Variants in PPP6R1 observed in about 807,000 individuals in gnomAD.
PPP6R1 encodes the protein protein phosphatase 6 regulatory subunit 1.
In PPP6R1, 39 loss-of-function variants were observed where a neutral mutation model predicts 104.6. The observed-to-expected ratio is 0.37, with a 90% CI of 0.29 to 0.49. The LOEUF (loss-of-function observed/expected upper bound fraction) is 0.49. PPP6R1 is among the 20% of genes least tolerant of loss of function. The probability of loss-of-function intolerance (pLI) is 0.98; values close to 1 mark genes in which losing one functional copy is unlikely to be tolerated. For synonymous variants in PPP6R1, 549 were observed against 479.0 expected, an observed-to-expected ratio of 1.15 and a Z score of -1.91; for missense variants, 1,181 against 1,155.8, an observed-to-expected ratio of 1.02 and a Z score of -0.32.
rs780395725 is a variant in PPP6R1 at position 55,241,371 on chromosome 19, T to C, written c.1029A>G (p.Thr343=). 15 of 1,610,714 alleles carry C rather than the reference T, an allele frequency of 9.3e-6. No homozygotes were observed. The Admixed American group carries it at 2.2e-4, about 23-fold the overall frequency. The stretch of plus-strand genomic sequence containing the variant: ...CCAGAGGCGGAGCCAGCATGCCCCA[T>C]GTCATCTGTAGCGGCTCCAGCTGCA... ...EPPKLEPLQM[T]WGMLAPPLGN... is the part of the protein sequence containing the mutation. The change falls in exon 9 of 24, where the codon ACA becomes ACG. Residue 343 remains threonine, a synonymous_variant. Coordinates refer to ENST00000412770, the MANE Select transcript of PPP6R1 (RefSeq NM_014931.4). This position sits in a 1 kb window ranked among gnomAD's most constrained non-coding sequence, Gnocchi z 5.4.
chr19:55,230,708 G>A, intron 22 of PPP6R1, 24 bp from the exon 23 acceptor site: 1 of 1,548,132 alleles, frequency 6.5e-7, no homozygotes, highest in South Asian at 1.2e-5. Context: ...GAGGGGATGT[G>A]CAGAGGTCAC....
chr19:55,231,495 T>C lies in PPP6R1; in HGVS notation c.2378-4A>G, dbSNP rs1215215467. 1 of 1,606,164 alleles carries C rather than the reference T, an allele frequency of 6.2e-7. No homozygotes were observed. The highest frequency in any genetic ancestry group is 1.7e-4 in the Middle Eastern group (1 of 5,982). ...CTAACCAAGGCCTGGCAAGGGGCTG[T>C]GGGGGATAAGAGATCTCAGCTGCAG... On this transcript the variant is annotated splice_polypyrimidine_tract_variant and splice_region_variant and intron_variant, in intron 20 of 23. Transcript: ENST00000412770.
At chr19:55,235,782 T>C (rs2122558323) in intron 17 of PPP6R1, among the ~76,000 whole-genome samples, 1 of 151,764 alleles carries the variant, frequency 6.6e-6, no homozygotes, top group South Asian at 2.1e-4. Flanking sequence ...CCTCCCAAAG[T>C]GCTGGGATTA....
chr19:55,239,309 A>G, intron 15 of PPP6R1, 96 bp downstream of exon 15: 2 of 1,249,494 alleles, frequency 1.6e-6, no homozygotes, highest in Middle Eastern at 1.9e-4. Flanking sequence ...CTGAGCCCAC[A>G]GGGCATGTAG....
Position 55,241,465 on chromosome 19 carries a change from C to T in PPP6R1, c.1008+12G>A. 6.2e-7 allele frequency: 1 copy of T among 1,602,556 alleles called. No individual in the cohort carries two copies. The highest frequency in any genetic ancestry group is 8.5e-7 in the Non-Finnish European group (1 of 1,174,032). Reference sequence around the variant, plus strand: ...CCCCGCCTCCCCGAGGACCAGAACCCACACCCCTGACCTTGGGAGGCTCCA... The same window carrying T: ...CCCCGCCTCCCCGAGGACCAGAACCTACACCCCTGACCTTGGGAGGCTCCA... On this transcript the variant is annotated intron_variant, in intron 8 of 23. Transcript: ENST00000412770. This position sits in a 1 kb window ranked among gnomAD's most constrained non-coding sequence, Gnocchi z 5.4.
chr19:55,248,311 G>A (rs79562666), intron 1 of PPP6R1, among the ~76,000 whole-genome samples: 4,795 of 152,158 alleles, frequency 0.032, 205 homozygotes, highest in African/African-American at 0.095. Context: ...ACCAAAGCCC[G>A]GTAAGTCAGG....
intron 1 of PPP6R1, 188 bp from the exon 2 acceptor site, chr19:55,247,297 G>A: frequency 1.6e-6 from 1 of 615,710 alleles, no homozygotes; most frequent in Non-Finnish European, 2.8e-6. Context: ...CATCACTCAG[G>A]CTTAAGGCTC....
At chr19:55,235,564 G>A (rs538135345) in intron 17 of PPP6R1, among the ~76,000 whole-genome samples, 2 of 151,334 alleles carry the variant, frequency 1.3e-5, no homozygotes, top group African/African-American at 4.9e-5. Context: ...TGTCGCCCAG[G>A]CTGGAGTACA....
At chr19:55,231,201 TG>T (rs1450642666) in intron 21 of PPP6R1, among the ~76,000 whole-genome samples, 1 of 152,014 alleles carries the variant, frequency 6.6e-6, no homozygotes, top group Non-Finnish European at 1.5e-5. Flanking sequence ...TTCCCAACCC[TG>T]GGGCTCAAGG....
At chr19:55,237,795 G>C (rs200596238) in intron 15 of PPP6R1, among the ~76,000 whole-genome samples, 1 of 152,210 alleles carries the variant, frequency 6.6e-6, no homozygotes, top group Non-Finnish European at 1.5e-5. Flanking sequence ...CCATGTCCCC[G>C]TGGCACTGGC....
In PPP6R1 at chr19:55,241,455, G is replaced by A. The variant is rs1446110579; in HGVS notation, c.1008+22C>T. 4 of 1,600,630 alleles carry A rather than the reference G, an allele frequency of 2.5e-6. No homozygotes were observed. The highest frequency in any genetic ancestry group is 1.3e-5 in the African/African-American group (1 of 74,728). On this transcript the variant is annotated intron_variant, in intron 8 of 23. Transcript: ENST00000412770. The surrounding 1 kb of genome is among the most constrained non-coding windows in gnomAD (Gnocchi z 5.4). Reference sequence around the variant, plus strand: ...TTCCTGCTTCCCCCGCCTCCCCGAGGACCAGAACCCACACCCCTGACCTTG... The same window carrying A: ...TTCCTGCTTCCCCCGCCTCCCCGAGAACCAGAACCCACACCCCTGACCTTG...
At position 55,257,942 on chromosome 19, in the gene PPP6R1, G is replaced by A. The variant is rs555693149; in HGVS notation, c.-7+493C>T. Among the ~76,000 whole-genome samples the A allele has an allele frequency of 4.6e-5, 7 of 152,366 alleles. No homozygotes were observed. The South Asian group carries it at 1.2e-3, about 27-fold the overall frequency. ...CGCACAAGAAGCCGGAGGCGGGAGA[G>A]GGTCGGTCAAGGTGAAAACAAGCCC... On this transcript the variant is annotated intron_variant, in intron 1 of 23. Transcript: ENST00000412770.
At chr19:55,252,086 G>A (rs2087557848) in intron 1 of PPP6R1, among the ~76,000 whole-genome samples, 1 of 152,182 alleles carries the variant, frequency 6.6e-6, no homozygotes, top group African/African-American at 2.4e-5. Context: ...AGACAGAAAA[G>A]AGCTTACAGG....
chr19:55,243,692 C>T lies in PPP6R1; in HGVS notation c.619-1204G>A, dbSNP rs1018513500. ...AAAAAAAGACACGGCCTCTACATCA[C>T]CCCAGGCTTGAGCGCAGTGGTGCCA... is the stretch of plus-strand genomic sequence containing the variant. On this transcript the variant is annotated intron_variant, in intron 5 of 23. Transcript: ENST00000412770. Among the ~76,000 whole-genome samples, 71 of 152,232 alleles carry T rather than the reference C, an allele frequency of 4.7e-4. 1 individual carries two copies. The highest frequency in any genetic ancestry group is 2.1e-4 in the South Asian group (1 of 4,828).
downstream of PPP6R1, chr19:55,228,520 C>G: frequency 6.4e-7 from 1 of 1,567,948 alleles, no homozygotes; most frequent in Non-Finnish European, 8.6e-7. Flanking sequence ...CCTGTCCCAC[C>G]CCCACCTGGG....
chr19:55,228,467 A>C (rs759363931), downstream of PPP6R1: 2 of 1,606,166 alleles, frequency 1.2e-6, no homozygotes, highest in South Asian at 2.2e-5. Flanking sequence ...ACTGAGCCGA[A>C]ACCCAGCCCA....
At chr19:55,228,559 A>C (rs1204268743), downstream of PPP6R1, 1 of 1,522,636 alleles carries the variant, frequency 6.6e-7, no homozygotes, top group Non-Finnish European at 8.8e-7. Flanking sequence ...GGACCCATTC[A>C]GGGACCAGGC....
chr19:55,244,403 G>A (rs937840275), intron 5 of PPP6R1, among the ~76,000 whole-genome samples: 2 of 152,246 alleles, frequency 1.3e-5, no homozygotes, highest in Non-Finnish European at 2.9e-5. Context: ...CAGAGCTAAA[G>A]GGGAGGATGT....
intron 15 of PPP6R1, among the ~76,000 whole-genome samples, chr19:55,237,236 G>C (rs1246688636): frequency 6.6e-6 from 1 of 152,106 alleles, no homozygotes; most frequent in Admixed American, 6.5e-5. Context: ...TGAGAAAATG[G>C]GGCTCGGAAA....
Sources: allele counts gnomAD v4.1 joint callset (sites outside exome capture counted in the v4.1 genomes callset), GRCh38; gene constraint gnomAD v4.1.1; non-coding constraint Gnocchi (gnomAD v3.1); transcripts MANE v1.5; gene names NCBI Gene and HGNC (gene_info 2026-07-23, HGNC 2026-07-21).